NAA11: variants seen among roughly 807,000 people sequenced by gnomAD.
NAA11 encodes the protein N-alpha-acetyltransferase 11.
Under a neutral mutation model 16.1 loss-of-function variants are expected in NAA11, and 15 were observed. That is an observed-to-expected ratio of 0.93 (90% CI 0.62 to 1.44). The LOEUF is 1.44. Ranked by LOEUF, NAA11 falls within the 40% of genes most tolerant of loss-of-function variation. The pLI, the probability that NAA11 is intolerant of heterozygous loss-of-function variation, is 0.00. For missense variants in NAA11, 298 were observed against 291.3 expected (o/e 1.02, Z -0.17); for synonymous variants, 122 against 112.4 (o/e 1.09, Z -0.54).
chr4:79,246,921 G>A (rs1409041521), intron 2 of NAA11, among the ~76,000 whole-genome samples: 1 of 152,206 alleles, frequency 6.6e-6, no homozygotes, highest in Non-Finnish European at 1.5e-5. Flanking sequence ...GGAGCTAGTG[G>A]CTCTTTGGGC....
rs1344786309 is a variant in NAA11 at position 79,303,071 on chromosome 4, GCCTTTTATAT to G, written c.*13-8967_*13-8958del. On this transcript the variant is annotated intron_variant and NMD_transcript_variant, in intron 1 of 2. Transcript: ENST00000511542. ...CCCTTTTCATTCCTGTTCTCTTGAGGCCTTTTATATATATATATATATATATATATATATA... is the reference window on the plus strand; with the variant it reads ...CCCTTTTCATTCCTGTTCTCTTGAGGATATATATATATATATATATATATA... Among the ~76,000 whole-genome samples, 391 of 86,576 alleles carry G rather than the reference GCCTTTTATAT, an allele frequency of 4.5e-3. 6 individuals carry two copies. The highest frequency in any genetic ancestry group is 0.018 in the African/African-American group (371 of 20,782). 56.8% of individuals were successfully genotyped at this position (86,576 alleles called of 152,430 possible).
At chr4:79,252,559 T>C (rs913928496) in intron 2 of NAA11, among the ~76,000 whole-genome samples, 9 of 152,056 alleles carry the variant, frequency 5.9e-5, no homozygotes, top group Non-Finnish European at 1.2e-4. Flanking sequence ...GGTAATGGCA[T>C]AGAGAATGAT....
intron 2 of NAA11, among the ~76,000 whole-genome samples, chr4:79,256,371 T>C (rs1045112535): frequency 6.6e-6 from 1 of 151,986 alleles, no homozygotes; most frequent in Non-Finnish European, 1.5e-5. Context: ...CAGTTATAAC[T>C]TTGAGTATTA....
At chr4:79,203,278 A>G in the NAA11 span, among the ~76,000 whole-genome samples, 1 of 151,732 alleles carries the variant, frequency 6.6e-6, no homozygotes, top group Admixed American at 6.6e-5. Context: ...TATATTCTAA[A>G]CTCTGAAGGT....
the NAA11 span, among the ~76,000 whole-genome samples, chr4:79,182,724 T>C: frequency 0.98 from 148,727 of 152,180 alleles, 72,767 homozygotes; most frequent in East Asian, 1. Flanking sequence ...ATAAAATGCT[T>C]CTCAACAATG....
intron 1 of NAA11, among the ~76,000 whole-genome samples, chr4:79,309,365 T>C (rs576411166): frequency 1.3e-5 from 2 of 152,360 alleles, no homozygotes; most frequent in South Asian, 4.1e-4. Flanking sequence ...CTGTGGTATT[T>C]TCAAAGCATT....
the NAA11 span, among the ~76,000 whole-genome samples, chr4:79,189,172 AGGAGGC>A: frequency 2.0e-5 from 3 of 150,188 alleles, no homozygotes; most frequent in African/African-American, 7.4e-5. Flanking sequence ...AAACTTATGA[AGGAGGC>A]AGAGATATTT....
intron 1 of NAA11, among the ~76,000 whole-genome samples, chr4:79,303,174 G>T (rs2110004296): frequency 7.2e-6 from 1 of 138,706 alleles, no homozygotes; most frequent in African/African-American, 2.7e-5. Context: ...GTCCTAACTG[G>T]GAAAGAAACA....
intron 2 of NAA11, among the ~76,000 whole-genome samples, chr4:79,287,508 G>C (rs1056360558): frequency 6.6e-6 from 1 of 151,828 alleles, no homozygotes; most frequent in African/African-American, 2.4e-5. Flanking sequence ...TGGCCAATGA[G>C]GTGTAATAAG....
At chr4:79,301,557 C>A (rs990188416) in intron 1 of NAA11, among the ~76,000 whole-genome samples, 4 of 152,148 alleles carry the variant, frequency 2.6e-5, no homozygotes, top group African/African-American at 9.7e-5. Context: ...ACTTCGGGCT[C>A]ATTTCTTGGT....
At chr4:79,224,922 G>A (rs532003607), downstream of NAA11, among the ~76,000 whole-genome samples, 4 of 152,008 alleles carry the variant, frequency 2.6e-5, no homozygotes, top group East Asian at 3.9e-4. Flanking sequence ...CAAAAGATCC[G>A]ACCAGTACTT....
At chr4:79,291,489 C>T (rs771576775) in intron 2 of NAA11, among the ~76,000 whole-genome samples, 1 of 151,968 alleles carries the variant, frequency 6.6e-6, no homozygotes, top group South Asian at 2.1e-4. Context: ...AAGAATTGGG[C>T]CGGGCCTGGT....
intron 2 of NAA11, among the ~76,000 whole-genome samples, chr4:79,263,989 C>T (rs1406364094): frequency 6.6e-6 from 1 of 152,148 alleles, no homozygotes; most frequent in Non-Finnish European, 1.5e-5. Context: ...TTAAGCAATA[C>T]CCCCACCTCC....
chr4:79,246,048 T>TC (rs1721814465), intron 2 of NAA11, among the ~76,000 whole-genome samples: 2 of 152,204 alleles, frequency 1.3e-5, no homozygotes, highest in African/African-American at 4.8e-5. Flanking sequence ...TCTTCTGCCT[T>TC]GGGATGCTGT....
At chr4:79,297,305 T>C (rs1438543726) in intron 1 of NAA11, among the ~76,000 whole-genome samples, 1 of 152,070 alleles carries the variant, frequency 6.6e-6, no homozygotes, top group Non-Finnish European at 1.5e-5. Flanking sequence ...ACCCACTGGA[T>C]GGGGAGCAGT....
chr4:79,262,802 A>G (rs1722269056), intron 2 of NAA11, among the ~76,000 whole-genome samples: 1 of 152,188 alleles, frequency 6.6e-6, no homozygotes, highest in Non-Finnish European at 1.5e-5. Flanking sequence ...GCATAAATAT[A>G]AGGATATTTT....
rs1342726247 is a variant in NAA11, at chr4:79,257,439, T to A, written c.*123-31169A>T. Among the ~76,000 whole-genome samples the A allele has an allele frequency of 2.6e-5, 4 of 152,324 alleles. No individual in the cohort carries two copies. The South Asian group carries it at 8.3e-4, about 32-fold the overall frequency. ...CTTTAATTTGCAAGAGATTTTTTTTTAATTGTTGCTTTTAGTTTAGTATTT... is the reference window on the plus strand; with the variant it reads ...CTTTAATTTGCAAGAGATTTTTTTTAAATTGTTGCTTTTAGTTTAGTATTT... On this transcript the variant is annotated intron_variant and NMD_transcript_variant, in intron 2 of 2. Transcript: ENST00000511542.
At chr4:79,180,343 A>AT in the NAA11 span, among the ~76,000 whole-genome samples, 4 of 152,320 alleles carry the variant, frequency 2.6e-5, no homozygotes, top group Admixed American at 2.0e-4. Context: ...AGTGAAAAAT[A>AT]TTTTTTGTGT....
chr4:79,283,239 A>G (rs1722835476), intron 2 of NAA11, among the ~76,000 whole-genome samples: 1 of 152,070 alleles, frequency 6.6e-6, no homozygotes, highest in African/African-American at 2.4e-5. Flanking sequence ...AGGGTGTAGT[A>G]TAAAGGGATA....
Sources: gnomAD v4.1 joint callset for allele counts (sites outside exome capture counted in the v4.1 genomes callset) on GRCh38, gnomAD v4.1.1 for gene constraint, MANE v1.5 for transcripts, NCBI Gene and HGNC (gene_info 2026-07-23, HGNC 2026-07-21) for gene names.